Variants in GMPR2 observed in about 807,000 individuals in gnomAD.
GMPR2 encodes guanosine monophosphate reductase 2, also known as GMP reductase 2.
In GMPR2, 32 loss-of-function variants were observed where a neutral mutation model predicts 38.5. That is an observed-to-expected ratio of 0.83 (90% confidence interval 0.63 to 1.12). The LOEUF is 1.12. Ranked by LOEUF, GMPR2 falls within the 50% of genes most tolerant of loss-of-function variation. The probability of loss-of-function intolerance (pLI) is 0.00; values close to 1 mark genes in which losing one functional copy is unlikely to be tolerated. For missense variants in GMPR2, 396 were observed against 432.1 expected (o/e 0.92, Z 0.74); for synonymous variants, 154 against 151.0 (o/e 1.02, Z -0.15).
chr14:24,238,098 G>T (rs890640671), intron 8 of GMPR2, 148 bp from the exon 9 acceptor site: 1 of 687,398 alleles, frequency 1.5e-6, no homozygotes, highest in African/African-American at 1.8e-5. Flanking sequence ...TCAGGCCTGC[G>T]TGGATTGTGG....
chr14:24,238,435 T>C (rs2040453647), intron 9 of GMPR2, 30 bp downstream of exon 9: 1 of 1,613,830 alleles, frequency 6.2e-7, no homozygotes. Flanking sequence ...AGCTTAGTAA[T>C]AGTATGGAGG....
At chr14:24,238,474 G>A in intron 9 of GMPR2, 69 bp downstream of exon 9, 3 of 1,614,024 alleles carry the variant, frequency 1.9e-6, no homozygotes, top group Non-Finnish European at 2.5e-6. Context: ...AGAGGGGGAT[G>A]GTACAGTTCT....
chr14:24,237,041 G>A lies in GMPR2; in HGVS notation c.466-30G>A. The A allele has an allele frequency of 1.9e-6, 3 of 1,552,148 alleles. No individual in the cohort carries two copies. Among genetic ancestry groups the A allele is most frequent in the South Asian group, 1.1e-5 (1 of 89,468 alleles). On this transcript the variant is annotated intron_variant, in intron 5 of 9. Transcript: ENST00000399440. ...CATGACCTCCTGTTTCTGGCCCTAA[G>A]GATGCTGTATTTCAATTGCTCTGTC...
rs769419327 is a variant in GMPR2, at chr14:24,238,808, C to T, written c.*30C>T. ...GAGCAGTTCTACCCTCCCAAGGCACCAGTACTCTACCATGGGGCATCCCAA... is the reference window on the plus strand; with the variant it reads ...GAGCAGTTCTACCCTCCCAAGGCACTAGTACTCTACCATGGGGCATCCCAA... On this transcript the variant is annotated 3_prime_UTR_variant, in exon 10 of 10. Transcript: ENST00000399440. 6.3e-7 allele frequency: 1 copy of T among 1,591,940 alleles called. No homozygotes were observed. Among genetic ancestry groups the T allele is most frequent in the East Asian group, 2.2e-5 (1 of 44,786 alleles).
chr14:24,236,111 C>T lies in GMPR2; in HGVS notation c.436C>T (p.Arg146Trp), dbSNP rs1256105640. ...EHFVEFVKDV[R>W]KRFPQHTIMA... ...CTTTGTTGAATTTGTAAAAGATGTACGGAAGCGCTTCCCCCAGCACACCAT... is the reference window on the plus strand; with the variant it reads ...CTTTGTTGAATTTGTAAAAGATGTATGGAAGCGCTTCCCCCAGCACACCAT... Residue 146 changes from arginine (R) to tryptophan (W), a missense_variant, in exon 5 of 10, where the codon CGG (arginine) becomes TGG (tryptophan). Physicochemically the swap from Arg to Trp is moderately radical, Grantham distance 101. Coordinates refer to ENST00000399440, the MANE Select transcript of GMPR2 (RefSeq NM_001002002.3). The T allele has an allele frequency of 1.2e-5, 19 of 1,613,882 alleles. No homozygotes were observed. Among genetic ancestry groups the T allele is most frequent in the East Asian group, 2.2e-5 (1 of 44,900 alleles).
At position 24,235,787 on chromosome 14, in the gene GMPR2, A is replaced by G. The variant is rs928606401; in HGVS notation, c.258A>G (p.Gln86=). ...VHKHYSLVQW[Q]EFAGQNPDCL... The stretch of plus-strand genomic sequence containing the variant: ...AGCACTATAGCCTCGTTCAGTGGCA[A>G]GAGTTTGCTGGCCAGAATCCTGACT... Residue 86 remains glutamine (Q), a synonymous_variant, in exon 4 of 10, where the codon CAA becomes CAG. Coordinates refer to ENST00000399440, the MANE Select transcript of GMPR2 (RefSeq NM_001002002.3). 1 of 1,613,736 alleles carries G rather than the reference A, an allele frequency of 6.2e-7. No homozygotes were observed. Among genetic ancestry groups the G allele is most frequent in the Non-Finnish European group, 8.5e-7 (1 of 1,179,616 alleles).
intron 3 of GMPR2, 166 bp downstream of exon 3, chr14:24,233,764 T>C (rs1406797434): frequency 1.9e-5 from 14 of 734,868 alleles, no homozygotes; most frequent in Non-Finnish European, 3.3e-5. Flanking sequence ...ATCTGATAAG[T>C]TCAAAAGGCC....
At position 24,238,604 on chromosome 14, in the gene GMPR2, G is replaced by A. The variant is rs377374202; in HGVS notation, c.873G>A (p.Lys291=). ...GVAEYRASEG[K]TVEVPFKGDV... ...CTACTTTAAGAGCCTCAGAGGGAAA[G>A]ACAGTGGAAGTTCCTTTTAAAGGAG... Residue 291 remains lysine, a synonymous_variant, in exon 10 of 10, where the codon AAG becomes AAA. Coordinates refer to ENST00000399440, the MANE Select transcript of GMPR2 (RefSeq NM_001002002.3). 2.5e-6 allele frequency: 4 copies of A among 1,614,020 alleles called. No individual in the cohort carries two copies. The African/African-American group carries it at 5.3e-5, about 22-fold the overall frequency.
intron 8 of GMPR2, 98 bp from the exon 9 acceptor site, chr14:24,238,148 T>C: frequency 3.7e-6 from 4 of 1,093,882 alleles, no homozygotes; most frequent in Admixed American, 2.2e-5. Context: ...GCTGGAATCA[T>C]TGTCAGGACT....
At chr14:24,237,803 C>G in intron 8 of GMPR2, 1 of 559,282 alleles carries the variant, frequency 1.8e-6, no homozygotes, top group Non-Finnish European at 3.2e-6. Context: ...ACTCCTGAGC[C>G]CCAGCCATAC....
chr14:24,236,205 A>C, intron 5 of GMPR2, 65 bp downstream of exon 5: 1 of 1,190,562 alleles, frequency 8.4e-7, no homozygotes, highest in African/African-American at 1.5e-5. Flanking sequence ...GTTTTGCTAC[A>C]TCAGTCCATT....
Position 24,233,287 on chromosome 14 carries a change from T to C in GMPR2, c.34T>C (p.Phe12Leu). ...TATTGACAACGATGTGAAACTGGACTTCAAGGATGTCCTTTTGAGGCCCAA... is the reference window on the plus strand; with the variant it reads ...TATTGACAACGATGTGAAACTGGACCTCAAGGATGTCCTTTTGAGGCCCAA... ...PHIDNDVKLD[F>L]KDVLLRPKRS... The change falls in exon 2 of 10, where the codon TTC becomes CTC. Residue 12 changes from phenylalanine to leucine, a missense_variant. By Grantham distance (22) the Phe-to-Leu change is conservative. Transcript: ENST00000399440. 1.2e-6 allele frequency: 2 copies of C among 1,614,008 alleles called. No homozygotes were observed. The highest frequency in any genetic ancestry group is 1.7e-5 in the Admixed American group (1 of 60,022).
chr14:24,236,528 A>G (rs2040352254), intron 5 of GMPR2, among the ~76,000 whole-genome samples: 1 of 152,158 alleles, frequency 6.6e-6, no homozygotes, highest in East Asian at 1.9e-4. Flanking sequence ...TCTTCGCAGC[A>G]TTGAGGGGTG....
chr14:24,234,031 A>T, intron 3 of GMPR2: 1 of 1,139,822 alleles, frequency 8.8e-7, no homozygotes, highest in African/African-American at 1.6e-5. Flanking sequence ...CAGCTTATTA[A>T]TTTTCTTTAA....
At position 24,237,229 on chromosome 14, in the gene GMPR2, A is replaced by G. The variant is rs1315540769; in HGVS notation, c.548-16A>G. On this transcript the variant is annotated splice_polypyrimidine_tract_variant and intron_variant, in intron 6 of 9. Transcript: ENST00000399440. Reference sequence around the variant, plus strand: ...TGTGGAGCACGTCATTCTTACCCTTATCATGTTCTTCCTAGGCTCTGTGTG... The same window carrying G: ...TGTGGAGCACGTCATTCTTACCCTTGTCATGTTCTTCCTAGGCTCTGTGTG... 1.3e-6 allele frequency: 2 copies of G among 1,580,420 alleles called. No homozygotes were observed. The highest frequency in any genetic ancestry group is 1.7e-5 in the Admixed American group (1 of 59,996).
At position 24,233,570 on chromosome 14, in the gene GMPR2, C is replaced by T. The variant is rs199579455; in HGVS notation, c.179C>T (p.Thr60Ile). Reference sequence around the variant, plus strand: ...GCTGCCAATATGGATACTGTGGGCACCTTTGAGATGGCCAAGGTTCTCTGT... The same window carrying T: ...GCTGCCAATATGGATACTGTGGGCATCTTTGAGATGGCCAAGGTTCTCTGT... ...IIAANMDTVG[T>I]FEMAKVLCKF... Residue 60 changes from threonine to isoleucine, a missense_variant, in exon 3 of 10, where the codon ACC becomes ATC. Physicochemically the swap from Thr to Ile is moderately conservative, Grantham distance 89. Transcript: ENST00000399440. 166 of 1,613,962 alleles carry T rather than the reference C, an allele frequency of 1.0e-4. No individual in the cohort carries two copies. Among genetic ancestry groups the T allele is most frequent in the Non-Finnish European group, 4.9e-5 (58 of 1,179,980 alleles).
intron 3 of GMPR2, chr14:24,234,242 G>A (rs751306286): frequency 2.3e-6 from 3 of 1,289,270 alleles, no homozygotes; most frequent in South Asian, 1.2e-5. Flanking sequence ...TGCTGAGAAG[G>A]TAGAGAGTTA....
intron 8 of GMPR2, 68 bp from the exon 9 acceptor site, chr14:24,238,178 C>A: frequency 7.2e-7 from 1 of 1,395,154 alleles, no homozygotes; most frequent in Non-Finnish European, 9.9e-7. Flanking sequence ...GTGTGAGTTG[C>A]TTTTGAGGGT....
In GMPR2 at chr14:24,238,406, G is replaced by A. The variant is rs759268799; in HGVS notation, c.857+1G>A. The stretch of plus-strand genomic sequence containing the variant: ...ATGCTGGGGGCGTGGCTGAGTACAG[G>A]TATGTGTGGAGGCCCAGGAGCTTAG... On this transcript the variant is annotated splice_donor_variant, in intron 9 of 9. Transcript: ENST00000399440. LOFTEE classifies it high-confidence loss of function. 9.3e-6 allele frequency: 15 copies of A among 1,613,970 alleles called. No individual in the cohort carries two copies. The African/African-American group carries it at 1.7e-4, about 19-fold the overall frequency.
Sources: allele counts gnomAD v4.1 joint callset (sites outside exome capture counted in the v4.1 genomes callset), GRCh38; gene constraint gnomAD v4.1.1; transcripts MANE v1.5; gene names NCBI Gene and HGNC (gene_info 2026-07-23, HGNC 2026-07-21).